Variants in ZMAT1 observed in about 807,000 individuals in gnomAD.
ZMAT1 encodes the protein zinc finger matrin-type protein 1.
In ZMAT1, 11 loss-of-function variants were observed where a neutral mutation model predicts 18.5. The ratio of observed to expected loss-of-function variants is 0.59; its 90% confidence interval spans 0.37 to 0.98. The LOEUF (loss-of-function observed/expected upper bound fraction) is 0.98. ZMAT1 is among the 50% of genes least tolerant of loss of function. ZMAT1 has a pLI of 0.01. For synonymous variants in ZMAT1, 211 were observed against 176.4 expected (o/e 1.20, Z -1.55); for missense variants, 525 against 496.2 (o/e 1.06, Z -0.55).
At chrX:101,911,556 C>T in intron 1 of ZMAT1, 1 of 1,132,340 alleles carries the variant, frequency 8.8e-7, no homozygotes, top group Non-Finnish European at 1.2e-6. Context: ...AGCGAATCCA[C>T]ACAGGGGAGA....
chrX:101,909,542 C>T (rs1013664006), intron 1 of ZMAT1, among the ~76,000 whole-genome samples: 5 of 111,789 alleles, frequency 4.5e-5, no homozygotes, highest in Admixed American at 9.4e-5. Flanking sequence ...GAGCTCACAG[C>T]GCTGAAATGT....
chrX:101,888,781 G>T (rs1182783848), intron 4 of ZMAT1: 2 of 111,464 alleles, frequency 1.8e-5, no homozygotes, highest in African/African-American at 6.5e-5. Flanking sequence ...TTTATGTGTG[G>T]CCCAAGGTAA....
rs148420230 is a variant in ZMAT1 at position 101,886,238 on chromosome X, T to C, written c.776+394A>G. On this transcript the variant is annotated intron_variant, in intron 5 of 5. Coordinates refer to ENST00000651725, the MANE Select transcript of ZMAT1 (RefSeq NM_001394560.1). ...TCTGGTATTCTAATCCAGGTCCATCTAATAGCAAGACCTCTGTTCTTAACC... is the reference window on the plus strand; with the variant it reads ...TCTGGTATTCTAATCCAGGTCCATCCAATAGCAAGACCTCTGTTCTTAACC... Among the ~76,000 whole-genome samples, 29 of 111,881 alleles carry C rather than the reference T, an allele frequency of 2.6e-4. 3 individuals carry two copies. Among genetic ancestry groups the C allele is most frequent in the East Asian group, 2.3e-3 (8 of 3,520 alleles).
intron 1 of ZMAT1, among the ~76,000 whole-genome samples, chrX:101,908,913 G>A (rs2147639598): frequency 9.0e-6 from 1 of 110,624 alleles, no homozygotes; most frequent in Admixed American, 9.6e-5. Context: ...CAGGGCACAT[G>A]ACATACTGAG....
At chrX:101,929,421 GATTATATAT>G (rs1240247472) in intron 1 of ZMAT1, among the ~76,000 whole-genome samples, 74 of 30,882 alleles carry the variant, frequency 2.4e-3, no homozygotes, top group African/African-American at 0.014. Flanking sequence ...TATAGAGAGA[GATTATATAT>G]ATATATATAT....
chrX:101,906,803 T>C (rs758909538), intron 1 of ZMAT1, among the ~76,000 whole-genome samples: 1 of 110,086 alleles, frequency 9.1e-6, no homozygotes, highest in Admixed American at 9.5e-5. Context: ...GCTCCAGGCA[T>C]TGGGCTAGCA....
At chrX:101,916,454 A>G (rs909177575) in intron 1 of ZMAT1, among the ~76,000 whole-genome samples, 9 of 112,180 alleles carry the variant, frequency 8.0e-5, no homozygotes, top group Non-Finnish European at 1.7e-4. Context: ...CATAAAATTA[A>G]ATACCTAGGC....
At chrX:101,928,585 C>G (rs1343840022) in intron 1 of ZMAT1, among the ~76,000 whole-genome samples, 1 of 112,678 alleles carries the variant, frequency 8.9e-6, no homozygotes, top group Admixed American at 9.4e-5. Context: ...TCTCCATCTC[C>G]TGACCTCGCG....
intron 1 of ZMAT1, chrX:101,931,376 T>A: frequency 5.7e-6 from 4 of 706,358 alleles, no homozygotes; most frequent in Non-Finnish European, 6.7e-6. Flanking sequence ...AAATCACACC[T>A]CAGCTTCCTA....
At chrX:101,898,093 T>C (rs1175815553) in intron 3 of ZMAT1, 26 bp downstream of exon 3, 7 of 1,206,714 alleles carry the variant, frequency 5.8e-6, no homozygotes, top group Non-Finnish European at 7.9e-6. Context: ...AAAGTTTGGA[T>C]TACAATACCA....
At chrX:101,891,429 A>C (rs893697610) in intron 4 of ZMAT1, among the ~76,000 whole-genome samples, 28 of 111,430 alleles carry the variant, frequency 2.5e-4, no homozygotes, top group African/African-American at 8.5e-4. Context: ...AGATAGCTAC[A>C]AAACTTTCAT....
chrX:101,910,695 T>C (rs1169414447), intron 1 of ZMAT1, among the ~76,000 whole-genome samples: 1 of 111,492 alleles, frequency 9.0e-6, no homozygotes, highest in African/African-American at 3.3e-5. Context: ...AAAGAATTAG[T>C]GAGCTTGAAG....
chrX:101,899,533 A>C (rs766694582), intron 2 of ZMAT1, among the ~76,000 whole-genome samples: 1 of 111,894 alleles, frequency 8.9e-6, no homozygotes, highest in East Asian at 2.8e-4. Flanking sequence ...CTTAGCTCCC[A>C]CATATCAGAG....
chrX:101,885,044 C>CT (rs1306705487), intron 5 of ZMAT1, among the ~76,000 whole-genome samples: 1 of 111,212 alleles, frequency 9.0e-6, no homozygotes. Context: ...TAAATCATGA[C>CT]TTTCTATGCC....
intron 1 of ZMAT1, among the ~76,000 whole-genome samples, chrX:101,911,222 A>C (rs1603281003): frequency 8.9e-6 from 1 of 112,016 alleles, no homozygotes; most frequent in South Asian, 3.7e-4. Context: ...GTACTTTCCA[A>C]GACAAACAAA....
At chrX:101,910,662 T>C (rs898512861) in intron 1 of ZMAT1, among the ~76,000 whole-genome samples, 4 of 112,006 alleles carry the variant, frequency 3.6e-5, no homozygotes, top group Admixed American at 9.4e-5. Context: ...AGTCCTTTAA[T>C]AGCAGAACAG....
At chrX:101,889,411 A>C (rs769504936) in intron 4 of ZMAT1, 11 of 111,051 alleles carry the variant, frequency 9.9e-5, no homozygotes, top group Non-Finnish European at 1.7e-4. Flanking sequence ...CACTACCCTG[A>C]AACTTGTGGG....
At chrX:101,929,456 T>TATATATATATATATAC in intron 1 of ZMAT1, among the ~76,000 whole-genome samples, 1 of 85,480 alleles carries the variant, frequency 1.2e-5, no homozygotes, top group African/African-American at 4.2e-5. Flanking sequence ...TATATATATA[T>TATATATATATATATAC]ACACACAGAG....
At chrX:101,902,887 C>CTGTATATCTTTGGACCA (rs1928346396) in intron 2 of ZMAT1, among the ~76,000 whole-genome samples, 1 of 111,187 alleles carries the variant, frequency 9.0e-6, no homozygotes, top group Non-Finnish European at 1.9e-5. Context: ...TACTGAGAGT[C>CTGTATATCTTTGGACCA]TGTATATCTT....
Sources: gnomAD v4.1 joint callset for allele counts (sites outside exome capture counted in the v4.1 genomes callset) on GRCh38, gnomAD v4.1.1 for gene constraint, MANE v1.5 for transcripts, NCBI Gene and HGNC (gene_info 2026-07-23, HGNC 2026-07-21) for gene names.